Variants in CSMD1 observed in about 807,000 individuals in gnomAD.
CSMD1 encodes CUB and Sushi multiple domains 1, also known as CUB and sushi domain-containing protein 1.
In CSMD1, 213 loss-of-function variants were observed where a neutral mutation model predicts 417.5. The observed-to-expected ratio is 0.51, with a 90% CI of 0.46 to 0.57. The LOEUF (loss-of-function observed/expected upper bound fraction) is 0.57. Ranked by LOEUF, CSMD1 falls within the 20% of genes least tolerant of loss-of-function variation. The pLI is 0.00. For synonymous variants in CSMD1, 2,862 were observed against 1,736.8 expected (o/e 1.65, Z -16.11); for missense variants, 6,923 against 4,529.7 (o/e 1.53, Z -15.17).
chr8:3,380,513 G>C (rs562306630), intron 18 of CSMD1, among the ~76,000 whole-genome samples: 11 of 152,258 alleles, frequency 7.2e-5, no homozygotes, highest in African/African-American at 2.6e-4. Context: ...TGATAGGCTG[G>C]ATAAAGACAA....
intron 2 of CSMD1, among the ~76,000 whole-genome samples, chr8:4,421,143 AG>A (rs138564922): frequency 0.17 from 26,411 of 152,214 alleles, 2,433 homozygotes; most frequent in East Asian, 0.24. Context: ...GAATGGAAAA[AG>A]AAACCATTGT....
chr8:4,062,565 T>C (rs1259324070), intron 3 of CSMD1, among the ~76,000 whole-genome samples: 2 of 152,096 alleles, frequency 1.3e-5, no homozygotes, highest in African/African-American at 4.8e-5. Context: ...TCGTGAAACA[T>C]ATCCTATAAA....
intron 4 of CSMD1, among the ~76,000 whole-genome samples, chr8:4,021,229 T>A (rs1300313022): frequency 6.6e-6 from 1 of 152,246 alleles, no homozygotes; most frequent in Non-Finnish European, 1.5e-5. Context: ...AACTAGCATC[T>A]TTTGAAAATC....
At chr8:3,283,178 C>T (rs567684293) in intron 26 of CSMD1, among the ~76,000 whole-genome samples, 21 of 152,024 alleles carry the variant, frequency 1.4e-4, no homozygotes, top group Non-Finnish European at 2.2e-4. Context: ...AACTTTATCC[C>T]TAAGGTGGAA....
At chr8:4,779,750 T>C (rs930862932) in intron 1 of CSMD1, among the ~76,000 whole-genome samples, 1 of 152,138 alleles carries the variant, frequency 6.6e-6, no homozygotes, top group African/African-American at 2.4e-5. Context: ...AAATAAATCC[T>C]GCTAATTGCG....
chr8:3,556,817 C>A (rs1585360149), intron 10 of CSMD1, among the ~76,000 whole-genome samples: 3 of 152,158 alleles, frequency 2.0e-5, no homozygotes, highest in African/African-American at 7.2e-5. Context: ...TTGGTGGATG[C>A]CCCTCTCCCT....
intron 2 of CSMD1, among the ~76,000 whole-genome samples, chr8:4,609,800 G>A (rs768297403): frequency 1.3e-5 from 2 of 152,150 alleles, no homozygotes; most frequent in African/African-American, 4.8e-5. Flanking sequence ...CCAGATTATG[G>A]TGAGAATATA....
At chr8:4,641,078 A>G (rs1803160858) in intron 1 of CSMD1, among the ~76,000 whole-genome samples, 1 of 151,362 alleles carries the variant, frequency 6.6e-6, no homozygotes, top group Admixed American at 6.6e-5. Flanking sequence ...ACACTCTGTG[A>G]TGTGTATTTT....
At chr8:4,799,187 C>A (rs1286160104) in intron 1 of CSMD1, among the ~76,000 whole-genome samples, 3 of 152,046 alleles carry the variant, frequency 2.0e-5, no homozygotes, top group Admixed American at 1.3e-4. Context: ...CAGGCACTCA[C>A]AAGGGAATAA....
intron 12 of CSMD1, among the ~76,000 whole-genome samples, chr8:3,440,405 T>C (rs575611692): frequency 9.4e-4 from 143 of 152,258 alleles, no homozygotes; most frequent in African/African-American, 3.3e-3. Context: ...TTGTTTTGAG[T>C]GATTATAAAT....
intron 5 of CSMD1, among the ~76,000 whole-genome samples, chr8:3,956,168 G>T (rs935194369): frequency 8.3e-6 from 1 of 119,970 alleles, no homozygotes; most frequent in African/African-American, 3.1e-5. Flanking sequence ...GATGCAAAAA[G>T]GTTGTACAAT....
At chr8:4,934,512 C>T (rs1372325924) in intron 1 of CSMD1, among the ~76,000 whole-genome samples, 1 of 152,126 alleles carries the variant, frequency 6.6e-6, no homozygotes, top group Non-Finnish European at 1.5e-5. Flanking sequence ...GAGAGAGCTT[C>T]CGGGGCTTTG....
rs188293972 is a variant in CSMD1, at chr8:4,144,026, A to G, written c.416-111927T>C. On this transcript the variant is annotated intron_variant, in intron 3 of 69. Coordinates refer to ENST00000635120, the MANE Select transcript of CSMD1 (RefSeq NM_033225.6). Reference sequence around the variant, plus strand: ...GGTGGAAGGAGGAGGGCTATAGAGAAAGCAGCCTTTGATCCTTTGTTGTTA... The same window carrying G: ...GGTGGAAGGAGGAGGGCTATAGAGAGAGCAGCCTTTGATCCTTTGTTGTTA... 5.7e-4 allele frequency among the ~76,000 whole-genome samples: 87 copies of G among 151,382 alleles called. 8 individuals are homozygous for G. Among genetic ancestry groups the G allele is most frequent in the African/African-American group, 2.1e-3 (87 of 40,688 alleles).
intron 5 of CSMD1, among the ~76,000 whole-genome samples, chr8:3,981,227 G>A (rs1668920310): frequency 6.6e-6 from 1 of 152,152 alleles, no homozygotes; most frequent in African/African-American, 2.4e-5. Context: ...ATTATTCTAA[G>A]TGAAGTAACT....
intron 7 of CSMD1, among the ~76,000 whole-genome samples, chr8:3,694,434 C>A (rs999232370): frequency 4.6e-5 from 7 of 152,160 alleles, no homozygotes; most frequent in Non-Finnish European, 1.0e-4. Flanking sequence ...CTGTGTCAGG[C>A]AGACAGCTGC....
intron 8 of CSMD1, among the ~76,000 whole-genome samples, chr8:3,604,858 C>T (rs561689561): frequency 6.6e-6 from 1 of 152,110 alleles, no homozygotes; most frequent in African/African-American, 2.4e-5. Flanking sequence ...ATCTAGGGGG[C>T]TCTAGCTACC....
chr8:4,259,625 C>G (rs1009909879), intron 3 of CSMD1, among the ~76,000 whole-genome samples: 1 of 151,962 alleles, frequency 6.6e-6, no homozygotes, highest in African/African-American at 2.4e-5. Flanking sequence ...CAAATATAGT[C>G]GGAGTCCTTA....
intron 2 of CSMD1, among the ~76,000 whole-genome samples, chr8:4,513,532 G>C (rs150867914): frequency 2.0e-5 from 3 of 152,104 alleles, no homozygotes; most frequent in Non-Finnish European, 2.9e-5. Context: ...AAGAACTCTC[G>C]TTTCATGAAA....
chr8:3,469,037 T>G, intron 11 of CSMD1: 1 of 388,160 alleles, frequency 2.6e-6, no homozygotes, highest in East Asian at 4.0e-5. Flanking sequence ...ATTCTATGGC[T>G]GCCAATTCGT....
Sources: allele counts gnomAD v4.1 joint callset (sites outside exome capture counted in the v4.1 genomes callset), GRCh38; gene constraint gnomAD v4.1.1; transcripts MANE v1.5; gene names NCBI Gene and HGNC (gene_info 2026-07-23, HGNC 2026-07-21).